The following CDH8 variants were observed in gnomAD, a reference collection of about 807,000 sequenced individuals.
CDH8 encodes cadherin-8.
In CDH8, 17 loss-of-function variants were observed where a neutral mutation model predicts 68.1. The observed-to-expected ratio is 0.25, with a 90% CI of 0.17 to 0.37. CDH8 has a LOEUF of 0.37. Among genes scored for constraint, CDH8 ranks in the 10% least tolerant of loss-of-function variants. CDH8 has a pLI of 1.00. For missense variants in CDH8, 763 were observed against 999.3 expected, an observed-to-expected ratio of 0.76 and a Z score of 3.19; for synonymous variants, 372 against 365.1, an observed-to-expected ratio of 1.02 and a Z score of -0.21.
chr16:61,958,223 G>A (rs1965019366), intron 2 of CDH8, among the ~76,000 whole-genome samples: 1 of 152,122 alleles, frequency 6.6e-6, no homozygotes, highest in Non-Finnish European at 1.5e-5. Context: ...TGATAGCCTA[G>A]GTGGACCATC....
intron 4 of CDH8, among the ~76,000 whole-genome samples, chr16:61,827,746 C>A (rs1473948838): frequency 6.6e-6 from 1 of 151,754 alleles, no homozygotes; most frequent in African/African-American, 2.4e-5. Context: ...TAAGCAGCTT[C>A]ATACTACCTA....
At position 61,840,858 on chromosome 16, in the gene CDH8, C is replaced by T. The variant is rs141242531; in HGVS notation, c.668-15679G>A. Among the ~76,000 whole-genome samples, 177 of 152,160 alleles carry T rather than the reference C, an allele frequency of 1.2e-3. 1 individual carries two copies. Among genetic ancestry groups the T allele is most frequent in the African/African-American group, 4.2e-3 (173 of 41,500 alleles). On this transcript the variant is annotated intron_variant, in intron 4 of 11. Transcript: ENST00000577390. ...TGATGGGTTGATAGGTGCAGCAAACCACCATGGCACACATTTACCTATGCA... is the reference window on the plus strand; with the variant it reads ...TGATGGGTTGATAGGTGCAGCAAACTACCATGGCACACATTTACCTATGCA...
At chr16:61,918,472 C>CCGAA (rs1324421774) in intron 2 of CDH8, 2 of 152,554 alleles carry the variant, frequency 1.3e-5, no homozygotes, top group African/African-American at 4.8e-5. Flanking sequence ...CATGCGCGAG[C>CCGAA]CGAAGCAGGG....
rs750327667 is a variant in CDH8, at chr16:61,821,117, T to TA, written c.836-5dup. 30 of 1,590,762 alleles carry TA rather than the reference T, an allele frequency of 1.9e-5. No homozygotes were observed. The highest frequency in any genetic ancestry group is 1.2e-4 in the Admixed American group (7 of 56,578). On this transcript the variant is annotated splice_polypyrimidine_tract_variant and splice_region_variant and intron_variant, in intron 5 of 11. Coordinates refer to ENST00000577390, the MANE Select transcript of CDH8 (RefSeq NM_001796.5). ...GGTACTGAGAAGTGATACAGGCCTTTAAAAAGAGGAGAAACAATGAGAGTC... is the reference window on the plus strand; with the variant it reads ...GGTACTGAGAAGTGATACAGGCCTTTAAAAAAGAGGAGAAACAATGAGAGTC...
At chr16:61,734,743 A>T (rs1468536712) in intron 8 of CDH8, among the ~76,000 whole-genome samples, 1 of 151,878 alleles carries the variant, frequency 6.6e-6, no homozygotes, top group African/African-American at 2.4e-5. Context: ...TAAATGTGAG[A>T]TTTTCTTGTC....
intron 2 of CDH8, among the ~76,000 whole-genome samples, chr16:61,903,906 A>T (rs1387571811): frequency 6.6e-6 from 1 of 152,144 alleles, no homozygotes; most frequent in Non-Finnish European, 1.5e-5. Context: ...GTGAAAGTAA[A>T]TTCTCAAGAC....
At chr16:61,759,608 T>C (rs1472071579) in intron 8 of CDH8, among the ~76,000 whole-genome samples, 1 of 152,156 alleles carries the variant, frequency 6.6e-6, no homozygotes, top group Middle Eastern at 3.2e-3. Flanking sequence ...TACCAGTAAC[T>C]GCCATATGAC....
chr16:61,884,395 A>C (rs949165516), intron 3 of CDH8, among the ~76,000 whole-genome samples: 1 of 141,728 alleles, frequency 7.1e-6, no homozygotes, highest in Non-Finnish European at 1.5e-5. Flanking sequence ...TTTTTTGGAG[A>C]GGGAGTCTCG....
chr16:61,901,479 ATG>A lies in CDH8; in HGVS notation c.253-8_253-7del. 1 of 1,600,680 alleles carries A rather than the reference ATG, an allele frequency of 6.2e-7. No individual in the cohort carries two copies. Among genetic ancestry groups the A allele is most frequent in the Admixed American group, 1.7e-5 (1 of 58,542 alleles). On this transcript the variant is annotated splice_polypyrimidine_tract_variant and splice_region_variant and intron_variant, in intron 2 of 11. Transcript: ENST00000577390. ...GGATCCAGGTCTGTGTGTAGCTGAA[ATG>A]AAAAATGGCATTAGTTAGTGATGGA... is the stretch of plus-strand genomic sequence containing the variant.
chr16:61,771,117 C>T (rs925270508), intron 8 of CDH8, among the ~76,000 whole-genome samples: 4 of 151,766 alleles, frequency 2.6e-5, no homozygotes, highest in African/African-American at 7.3e-5. Flanking sequence ...CTTTTAAAAT[C>T]CATGTCTAAC....
At chr16:61,930,205 G>C (rs1029862587) in intron 2 of CDH8, among the ~76,000 whole-genome samples, 5 of 149,766 alleles carry the variant, frequency 3.3e-5, no homozygotes, top group Non-Finnish European at 7.4e-5. Context: ...CAACAGTAAA[G>C]GTAAAAATTT....
At position 61,973,575 on chromosome 16, in the gene CDH8, C is replaced by T. The variant is rs146197878; in HGVS notation, c.252+47577G>A. Among the ~76,000 whole-genome samples the T allele has an allele frequency of 8.4e-3, 1,273 of 152,240 alleles. 19 individuals carry two copies. Among genetic ancestry groups the T allele is most frequent in the African/African-American group, 0.028 (1,156 of 41,550 alleles). On this transcript the variant is annotated intron_variant, in intron 2 of 11. Coordinates refer to ENST00000577390, the MANE Select transcript of CDH8 (RefSeq NM_001796.5). The stretch of plus-strand genomic sequence containing the variant: ...TGCATGTGGTTATCTGGACATCTTC[C>T]CAACTCTTGTTCACAACACAGAGCC...
At chr16:61,885,934 G>A (rs1963664459) in intron 3 of CDH8, among the ~76,000 whole-genome samples, 1 of 152,164 alleles carries the variant, frequency 6.6e-6, no homozygotes, top group Non-Finnish European at 1.5e-5. Context: ...TAAATGGATG[G>A]AAGAGTGACA....
chr16:61,688,895 C>T (rs1230233370), intron 10 of CDH8, among the ~76,000 whole-genome samples: 1 of 151,924 alleles, frequency 6.6e-6, no homozygotes, highest in Non-Finnish European at 1.5e-5. Flanking sequence ...CATTTTTCAA[C>T]CAAAGCACTG....
chr16:61,900,720 T>C (rs575464639), intron 3 of CDH8, among the ~76,000 whole-genome samples: 1 of 152,308 alleles, frequency 6.6e-6, no homozygotes, highest in Non-Finnish European at 1.5e-5. Flanking sequence ...ACCCTAGACA[T>C]GAACCACTAG....
chr16:61,915,477 C>T (rs961335481), intron 2 of CDH8, among the ~76,000 whole-genome samples: 4 of 152,078 alleles, frequency 2.6e-5, no homozygotes, highest in African/African-American at 9.7e-5. Flanking sequence ...GATTCAAACC[C>T]AAGACTATTA....
At chr16:61,869,334 A>G (rs530890097) in intron 3 of CDH8, among the ~76,000 whole-genome samples, 4 of 152,244 alleles carry the variant, frequency 2.6e-5, no homozygotes, top group Admixed American at 6.5e-5. Context: ...GGCGTGTTGC[A>G]GGAGTGGTGG....
At chr16:61,820,898 A>G (rs1962198388) in intron 6 of CDH8, 28 bp downstream of exon 6, 5 of 1,580,756 alleles carry the variant, frequency 3.2e-6, no homozygotes, top group Non-Finnish European at 3.5e-6. Flanking sequence ...AGATATTTTG[A>G]AGATGAACAA....
At chr16:61,722,496 C>A in intron 9 of CDH8, among the ~76,000 whole-genome samples, 1 of 150,708 alleles carries the variant, frequency 6.6e-6, no homozygotes, top group East Asian at 1.9e-4. Context: ...CACATTGTTT[C>A]TTCAGATTGT....
Sources: allele counts gnomAD v4.1 joint callset (sites outside exome capture counted in the v4.1 genomes callset), GRCh38; gene constraint gnomAD v4.1.1; transcripts MANE v1.5; gene names NCBI Gene and HGNC (gene_info 2026-07-23, HGNC 2026-07-21).